VWA8: variants seen among roughly 807,000 people sequenced by gnomAD.
VWA8 encodes the protein von Willebrand factor A domain containing 8.
Under a neutral mutation model 241.5 loss-of-function variants are expected in VWA8, and 221 were observed. The observed-to-expected ratio is 0.91, with a 90% CI of 0.82 to 1.02. The LOEUF (loss-of-function observed/expected upper bound fraction) is 1.02, where lower values mean the gene tolerates loss of function less well. VWA8 is among the 50% of genes least tolerant of loss of function. The probability of loss-of-function intolerance (pLI) is 0.00; values close to 1 mark genes in which losing one functional copy is unlikely to be tolerated. For missense variants in VWA8, 2,322 were observed against 2,328.7 expected (o/e 1.00, Z 0.06); for synonymous variants, 852 against 827.1 (o/e 1.03, Z -0.52).
At chr13:41,613,125 C>G (rs563811333) in intron 38 of VWA8, among the ~76,000 whole-genome samples, 1 of 152,160 alleles carries the variant, frequency 6.6e-6, no homozygotes, top group Non-Finnish European at 1.5e-5. Context: ...TCACCACCCC[C>G]ACCTCCACCT....
rs201997688 is a variant in VWA8, at chr13:41,863,433, G to GTA, written c.1425+2301_1425+2302dup. Among the ~76,000 whole-genome samples, 406 of 69,796 alleles carry GTA rather than the reference G, an allele frequency of 5.8e-3. 6 individuals are homozygous for GTA. The highest frequency in any genetic ancestry group is 8.7e-3 in the Admixed American group (58 of 6,652). The allele number at this position is 69,796 out of a possible 152,430, so 45.8% of individuals were successfully genotyped here. On this transcript the variant is annotated intron_variant, in intron 12 of 44. Coordinates refer to ENST00000379310, the MANE Select transcript of VWA8 (RefSeq NM_015058.2). ...TGTGTGTGTGTGTGTGTGTGTGTGT[G>GTA]TATATATATATATATATATATTCAC...
At chr13:41,718,360 C>T (rs1248385994) in intron 26 of VWA8, among the ~76,000 whole-genome samples, 2 of 151,830 alleles carry the variant, frequency 1.3e-5, no homozygotes, top group African/African-American at 4.8e-5. Context: ...ATTTGTTATA[C>T]CCATTAAATT....
intron 17 of VWA8, among the ~76,000 whole-genome samples, chr13:41,788,445 C>T (rs779060736): frequency 2.0e-5 from 3 of 152,118 alleles, no homozygotes; most frequent in Non-Finnish European, 2.9e-5. Flanking sequence ...GATTTCCTGT[C>T]CCTGTAAAAT....
intron 2 of VWA8, chr13:41,927,208 G>T: frequency 2.1e-6 from 1 of 472,406 alleles, no homozygotes; most frequent in Admixed American, 2.2e-5. Flanking sequence ...ACAGGCATGG[G>T]CATTGACCAA....
At chr13:41,711,649 CAG>C (rs2045317672) in intron 26 of VWA8, among the ~76,000 whole-genome samples, 2 of 152,096 alleles carry the variant, frequency 1.3e-5, no homozygotes, top group African/African-American at 2.4e-5. Context: ...CCAAGGCGGG[CAG>C]ATCACGAGGT....
At chr13:41,657,014 G>C (rs2044910984) in intron 37 of VWA8, among the ~76,000 whole-genome samples, 2 of 152,150 alleles carry the variant, frequency 1.3e-5, no homozygotes, top group African/African-American at 4.8e-5. Context: ...GCCCAGGTCT[G>C]ACCAATCAAA....
At chr13:41,768,105 G>C (rs1295046886) in intron 20 of VWA8, among the ~76,000 whole-genome samples, 5 of 152,234 alleles carry the variant, frequency 3.3e-5, no homozygotes, top group African/African-American at 1.2e-4. Flanking sequence ...CACTGTATTT[G>C]ATGAAACAAG....
At chr13:41,948,886 T>G (rs201818041) in intron 2 of VWA8, among the ~76,000 whole-genome samples, 1 of 151,686 alleles carries the variant, frequency 6.6e-6, no homozygotes, top group East Asian at 1.9e-4. Flanking sequence ...ATTCAGGAAT[T>G]AAAAACAAAC....
At chr13:41,926,485 C>G (rs1257743676) in intron 2 of VWA8, 3 of 528,610 alleles carry the variant, frequency 5.7e-6, no homozygotes, top group Admixed American at 4.0e-5. Flanking sequence ...CTCCGGAACT[C>G]TATCATAAGA....
intron 17 of VWA8, among the ~76,000 whole-genome samples, chr13:41,792,720 T>C (rs983896450): frequency 1.3e-5 from 2 of 152,084 alleles, no homozygotes; most frequent in African/African-American, 4.8e-5. Flanking sequence ...AAATCTTCCA[T>C]TTATTTGTCT....
intron 20 of VWA8, among the ~76,000 whole-genome samples, chr13:41,761,497 A>G (rs1463565928): frequency 6.6e-6 from 1 of 152,102 alleles, no homozygotes; most frequent in Non-Finnish European, 1.5e-5. Context: ...ACTGAAGTCT[A>G]GGCATCACAG....
chr13:41,883,520 G>T (rs747427731), intron 8 of VWA8, 29 bp from the exon 9 acceptor site: 2 of 1,519,214 alleles, frequency 1.3e-6, no homozygotes, highest in South Asian at 1.1e-5. Context: ...ACATAGGAAT[G>T]AGCAAAATTC....
chr13:41,922,737 A>G (rs972459986), intron 2 of VWA8, among the ~76,000 whole-genome samples: 7 of 152,246 alleles, frequency 4.6e-5, no homozygotes, highest in African/African-American at 1.7e-4. Context: ...ACAATGAGAT[A>G]CCATCTCACA....
intron 1 of VWA8, among the ~76,000 whole-genome samples, chr13:41,955,321 G>A (rs1302644652): frequency 6.6e-6 from 1 of 152,168 alleles, no homozygotes; most frequent in African/African-American, 2.4e-5. Flanking sequence ...CTATTGAAGT[G>A]TCTAAAGTGC....
chr13:41,900,707 T>G (rs1875385592), intron 4 of VWA8, among the ~76,000 whole-genome samples: 1 of 152,180 alleles, frequency 6.6e-6, no homozygotes, highest in Admixed American at 6.5e-5. Flanking sequence ...AAATTTAAAG[T>G]AACTGAACCT....
chr13:41,754,302 T>G (rs947632833), intron 21 of VWA8, among the ~76,000 whole-genome samples: 1 of 152,014 alleles, frequency 6.6e-6, no homozygotes, highest in African/African-American at 2.4e-5. Flanking sequence ...AAAGGGGAGT[T>G]TCCCTGCACA....
intron 20 of VWA8, among the ~76,000 whole-genome samples, chr13:41,763,681 C>T (rs1255619488): frequency 6.6e-6 from 1 of 152,098 alleles, no homozygotes; most frequent in Non-Finnish European, 1.5e-5. Context: ...CTGTTAAATT[C>T]AGCAATCCTA....
intron 1 of VWA8, among the ~76,000 whole-genome samples, chr13:41,954,923 A>G (rs1878289577): frequency 6.6e-6 from 1 of 152,226 alleles, no homozygotes; most frequent in Non-Finnish European, 1.5e-5. Flanking sequence ...TCCTCCTAGC[A>G]GATAAATAAG....
intron 36 of VWA8, among the ~76,000 whole-genome samples, chr13:41,671,650 G>A (rs1308841979): frequency 2.0e-5 from 3 of 152,086 alleles, no homozygotes; most frequent in African/African-American, 7.2e-5. Flanking sequence ...AGTTGTGAGG[G>A]TAGAGCCTCT....
Sources: gnomAD v4.1 joint callset for allele counts (sites outside exome capture counted in the v4.1 genomes callset) on GRCh38, gnomAD v4.1.1 for gene constraint, MANE v1.5 for transcripts, NCBI Gene and HGNC (gene_info 2026-07-23, HGNC 2026-07-21) for gene names.